Variants in AKT3 observed in about 807,000 individuals in gnomAD.
AKT3 encodes the protein AKT serine/threonine kinase 3, also known as RAC-gamma serine/threonine-protein kinase.
A neutral mutation model predicts 65.3 loss-of-function variants in AKT3; 15 were observed. The observed-to-expected ratio is 0.23, with a 90% CI of 0.15 to 0.35. The LOEUF is 0.35. Among genes scored for constraint, AKT3 ranks in the 10% least tolerant of loss-of-function variants. The pLI, the probability that AKT3 is intolerant of heterozygous loss-of-function variation, is 1.00. For synonymous variants in AKT3, 206 were observed against 183.8 expected (o/e 1.12, Z -0.98); for missense variants, 243 against 576.5 (o/e 0.42, Z 5.92).
intron 6 of AKT3, chr1:243,624,654 C>G (rs1679014580): frequency 1.0e-5 from 2 of 192,964 alleles, no homozygotes; most frequent in Non-Finnish European, 1.1e-5. Context: ...AAATCATGAA[C>G]ATTTTTATGC....
At chr1:243,556,963 G>A (rs1304325105) in intron 10 of AKT3, among the ~76,000 whole-genome samples, 1 of 152,036 alleles carries the variant, frequency 6.6e-6, no homozygotes, top group Non-Finnish European at 1.5e-5. Context: ...TGCTTTAATA[G>A]TTCTTAAGTG....
At chr1:243,768,875 A>T (rs973552290) in intron 2 of AKT3, among the ~76,000 whole-genome samples, 1 of 152,084 alleles carries the variant, frequency 6.6e-6, no homozygotes, top group African/African-American at 2.4e-5. Context: ...ATACCATAAA[A>T]ATCGCCATTT....
At chr1:243,526,991 A>T (rs956485357) in intron 12 of AKT3, among the ~76,000 whole-genome samples, 1 of 152,146 alleles carries the variant, frequency 6.6e-6, no homozygotes, top group Non-Finnish European at 1.5e-5. Context: ...AAAAATTAAC[A>T]AAAGAATAAC....
intron 2 of AKT3, among the ~76,000 whole-genome samples, chr1:243,745,792 G>A (rs1280027842): frequency 6.6e-6 from 1 of 152,100 alleles, no homozygotes; most frequent in African/African-American, 2.4e-5. Flanking sequence ...CCATTCTGCT[G>A]CTCATTTTAT....
chr1:243,822,553 AAG>A (rs1298222564), intron 2 of AKT3, among the ~76,000 whole-genome samples: 3 of 152,188 alleles, frequency 2.0e-5, no homozygotes, highest in African/African-American at 4.8e-5. Context: ...TAAAGAAGAA[AAG>A]AGAGAAGAAT....
chr1:243,494,490 A>G (rs1173864002), intron 13 of AKT3, among the ~76,000 whole-genome samples: 1 of 152,236 alleles, frequency 6.6e-6, no homozygotes, highest in Non-Finnish European at 1.5e-5. Flanking sequence ...CATGTCTAAC[A>G]TAAGCATCTC....
At chr1:243,652,204 T>C (rs1681399127) in intron 4 of AKT3, among the ~76,000 whole-genome samples, 3 of 151,996 alleles carry the variant, frequency 2.0e-5, no homozygotes, top group African/African-American at 7.2e-5. Flanking sequence ...TCTGCCCCCA[T>C]GCTTGGCTAA....
chr1:243,599,111 C>T (rs1342175983), intron 8 of AKT3, among the ~76,000 whole-genome samples: 2 of 152,068 alleles, frequency 1.3e-5, no homozygotes, highest in African/African-American at 4.8e-5. Context: ...GTTATTAACT[C>T]AGCAAAACTG....
Position 243,500,776 on chromosome 1 carries a change from G to T in AKT3, c.*4473C>A, listed in dbSNP as rs963908607. On this transcript the variant is annotated 3_prime_UTR_variant, in exon 14 of 14. Transcript: ENST00000673466. ...GTGATGTGGATTAGGCTTTGGAGGC[G>T]GTGGCATGATCTACACACAGAGACC... The T allele has an allele frequency of 9.8e-6, 2 of 204,224 alleles. No individual in the cohort carries two copies. Among genetic ancestry groups the T allele is most frequent in the African/African-American group, 5.3e-5 (2 of 38,084 alleles). 12.7% of individuals were successfully genotyped at this position (204,224 alleles called of 1,614,324 possible). A position where few individuals can be genotyped will look rare whatever the true frequency, so the allele number is the denominator to read the frequency against.
In AKT3 at chr1:243,500,229, T is replaced by TATCA. The variant is rs536202149; in HGVS notation, c.*5016_*5019dup. The TATCA allele has an allele frequency of 1.7e-4, 42 of 252,342 alleles. No homozygotes were observed. The highest frequency in any genetic ancestry group is 8.5e-4 in the African/African-American group (39 of 45,800). 15.6% of individuals were successfully genotyped at this position (252,342 alleles called of 1,614,324 possible). On this transcript the variant is annotated 3_prime_UTR_variant, in exon 14 of 14. Coordinates refer to ENST00000673466, the MANE Select transcript of AKT3 (RefSeq NM_005465.7). ...TTCATTTTTCTTTTCATGATCTATATATCAATCATCCTTCACCTTTAATCA... is the reference window on the plus strand; with the variant it reads ...TTCATTTTTCTTTTCATGATCTATATATCAATCAATCATCCTTCACCTTTAATCA...
chr1:243,649,628 T>C (rs939922387), intron 4 of AKT3, among the ~76,000 whole-genome samples: 1 of 152,066 alleles, frequency 6.6e-6, no homozygotes, highest in Non-Finnish European at 1.5e-5. Context: ...GTGTTCTCAT[T>C]GTTCAACTCC....
At chr1:243,496,175 A>G (rs566206270), downstream of AKT3, among the ~76,000 whole-genome samples, 12 of 152,240 alleles carry the variant, frequency 7.9e-5, no homozygotes, top group Non-Finnish European at 1.5e-4. Flanking sequence ...GCCCAGAGAA[A>G]TGAAGTGAAT....
chr1:243,706,498 T>C (rs779673501), intron 2 of AKT3, among the ~76,000 whole-genome samples: 5 of 152,290 alleles, frequency 3.3e-5, no homozygotes, highest in Non-Finnish European at 5.9e-5. Context: ...TAAAAACTAA[T>C]AGGACTTTAT....
chr1:243,633,790 C>T (rs920448179), intron 6 of AKT3, among the ~76,000 whole-genome samples: 3 of 152,048 alleles, frequency 2.0e-5, no homozygotes, highest in African/African-American at 7.2e-5. Flanking sequence ...TATCACGACT[C>T]ACTTTAAACA....
intron 2 of AKT3, among the ~76,000 whole-genome samples, chr1:243,801,674 T>C (rs1011307029): frequency 1.3e-5 from 2 of 152,142 alleles, no homozygotes; most frequent in East Asian, 1.9e-4. Flanking sequence ...CAGATCATGA[T>C]AGCCATAAAG....
chr1:243,550,958 C>CAAAAAAAAA (rs60047036), intron 11 of AKT3, among the ~76,000 whole-genome samples: 25 of 17,536 alleles, frequency 1.4e-3, no homozygotes, highest in Non-Finnish European at 1.8e-3. Flanking sequence ...GACTCCCTCT[C>CAAAAAAAAA]AAAAAAAAAA....
At position 243,501,616 on chromosome 1, in the gene AKT3, T is replaced by C. The variant is rs1037481653; in HGVS notation, c.*3633A>G. 4 of 225,548 alleles carry C rather than the reference T, an allele frequency of 1.8e-5. No homozygotes were observed. Among genetic ancestry groups the C allele is most frequent in the Non-Finnish European group, 3.5e-5 (4 of 114,594 alleles). The allele number at this position is 225,548 out of a possible 1,614,324, so 14.0% of individuals were successfully genotyped here. On this transcript the variant is annotated 3_prime_UTR_variant, in exon 14 of 14. Transcript: ENST00000673466. ...ATCCCCTATGTGTGTGTGTGTGAGCTACAAGGAATTATTTCTATATTTTCC... is the reference window on the plus strand; with the variant it reads ...ATCCCCTATGTGTGTGTGTGTGAGCCACAAGGAATTATTTCTATATTTTCC...
chr1:243,705,747 T>C (rs1685758766), intron 2 of AKT3, among the ~76,000 whole-genome samples: 1 of 152,080 alleles, frequency 6.6e-6, no homozygotes, highest in Non-Finnish European at 1.5e-5. Context: ...AGGTATGTTG[T>C]GGAGAATTAC....
At chr1:243,728,671 C>T (rs1687362339) in intron 2 of AKT3, among the ~76,000 whole-genome samples, 1 of 152,102 alleles carries the variant, frequency 6.6e-6, no homozygotes, top group Non-Finnish European at 1.5e-5. Flanking sequence ...CAAAGAATAA[C>T]CACTTGAAAG....
Sources: allele counts gnomAD v4.1 joint callset (sites outside exome capture counted in the v4.1 genomes callset), GRCh38; gene constraint gnomAD v4.1.1; transcripts MANE v1.5; gene names NCBI Gene and HGNC (gene_info 2026-07-23, HGNC 2026-07-21).